ADAMTSL1: variants seen among roughly 807,000 people sequenced by gnomAD.
The protein encoded by ADAMTSL1 is ADAMTS like 1, also known as ADAMTS-like protein 1.
A neutral mutation model predicts 201.8 loss-of-function variants in ADAMTSL1; 126 were observed. That is an observed-to-expected ratio of 0.62 (90% confidence interval 0.54 to 0.72). ADAMTSL1 has a LOEUF of 0.72. Ranked by LOEUF, ADAMTSL1 falls within the 30% of genes least tolerant of loss-of-function variation. ADAMTSL1 has a pLI of 0.00. For synonymous variants in ADAMTSL1, 1,121 were observed against 903.4 expected (o/e 1.24, Z -4.32); for missense variants, 2,679 against 2,277.8 (o/e 1.18, Z -3.59).
At chr9:18,488,275 G>A (rs1052967545) in intron 1 of ADAMTSL1, among the ~76,000 whole-genome samples, 1 of 152,070 alleles carries the variant, frequency 6.6e-6, no homozygotes, top group African/African-American at 2.4e-5. Flanking sequence ...CTCTGCCCAG[G>A]ACCTCCTTTA....
At chr9:18,088,310 G>C (rs1370641259) in intron 1 of ADAMTSL1, among the ~76,000 whole-genome samples, 1 of 152,072 alleles carries the variant, frequency 6.6e-6, no homozygotes, top group Non-Finnish European at 1.5e-5. Flanking sequence ...AAAACATAGA[G>C]GAAAGTCTTC....
chr9:17,995,366 T>C (rs1054745567), intron 1 of ADAMTSL1, among the ~76,000 whole-genome samples: 2 of 152,128 alleles, frequency 1.3e-5, no homozygotes, highest in East Asian at 3.9e-4. Context: ...AGATAGATGC[T>C]ACTAAGAAAA....
chr9:18,567,794 C>A lies in ADAMTSL1; in HGVS notation c.238-6236C>A, dbSNP rs541280893. Among the ~76,000 whole-genome samples, 3 of 152,192 alleles carry A rather than the reference C, an allele frequency of 2.0e-5. No homozygotes were observed. The South Asian group carries it at 6.2e-4, about 32-fold the overall frequency. On this transcript the variant is annotated intron_variant, in intron 3 of 28. Coordinates refer to ENST00000380548, the MANE Select transcript of ADAMTSL1 (RefSeq NM_001040272.6). ...TTATGTAAGAAAATATAGATAATTT[C>A]TCATACATATATGAGATAAAGTTTA...
At chr9:18,187,730 TAAG>T (rs1250578169) in intron 2 of ADAMTSL1, among the ~76,000 whole-genome samples, 4 of 151,852 alleles carry the variant, frequency 2.6e-5, no homozygotes, top group African/African-American at 9.7e-5. Context: ...AAATATGTAA[TAAG>T]AAGGAAGGAT....
At chr9:18,016,387 C>G (rs1820263387) in intron 1 of ADAMTSL1, among the ~76,000 whole-genome samples, 1 of 151,958 alleles carries the variant, frequency 6.6e-6, no homozygotes, top group Non-Finnish European at 1.5e-5. Context: ...GTCATAGTTT[C>G]TAGTATCGGT....
chr9:18,610,958 G>A (rs1242601158), intron 4 of ADAMTSL1, among the ~76,000 whole-genome samples: 4 of 152,112 alleles, frequency 2.6e-5, no homozygotes, highest in Admixed American at 6.6e-5. Flanking sequence ...AAAATTTTCG[G>A]AGGTACACGT....
intron 23 of ADAMTSL1, among the ~76,000 whole-genome samples, chr9:18,830,922 A>G (rs1365524992): frequency 3.3e-5 from 5 of 152,242 alleles, no homozygotes; most frequent in African/African-American, 1.2e-4. Flanking sequence ...AATAACAGCT[A>G]GAATTATTCC....
At chr9:18,117,125 A>G (rs115793945) in intron 1 of ADAMTSL1, among the ~76,000 whole-genome samples, 2,537 of 152,140 alleles carry the variant, frequency 0.017, 80 homozygotes, top group African/African-American at 0.058. Context: ...GCCACCACCT[A>G]TTTTGAACCA....
chr9:18,721,479 AC>A (rs1341603804), intron 14 of ADAMTSL1, 56 bp from the exon 15 acceptor site: 52 of 1,590,648 alleles, frequency 3.3e-5, no homozygotes, highest in Non-Finnish European at 3.9e-5. Flanking sequence ...ACACTTCATC[AC>A]CCCCCACACA....
At chr9:18,510,142 G>A (rs2131965212) in intron 2 of ADAMTSL1, among the ~76,000 whole-genome samples, 1 of 152,218 alleles carries the variant, frequency 6.6e-6, no homozygotes, top group East Asian at 1.9e-4. Flanking sequence ...AGCACTCTCA[G>A]GTCTGATTAT....
At chr9:18,411,327 A>T in intron 2 of ADAMTSL1, among the ~76,000 whole-genome samples, 1 of 151,828 alleles carries the variant, frequency 6.6e-6, no homozygotes, top group Non-Finnish European at 1.5e-5. Context: ...CTCCCAAGTA[A>T]GAGGGGTGGG....
At chr9:18,905,919 C>T (rs1196338181) in intron 27 of ADAMTSL1, 28 bp downstream of exon 27, 2 of 1,550,288 alleles carry the variant, frequency 1.3e-6, no homozygotes. Context: ...ATCTCCTTTT[C>T]CCAGCCCCAT....
intron 1 of ADAMTSL1, among the ~76,000 whole-genome samples, chr9:18,029,538 T>C (rs915681930): frequency 5.9e-5 from 9 of 152,118 alleles, no homozygotes; most frequent in Non-Finnish European, 7.3e-5. Flanking sequence ...AAAGCCAGAA[T>C]TGACAAATGG....
chr9:18,088,927 G>C (rs1407218147), intron 1 of ADAMTSL1, among the ~76,000 whole-genome samples: 1 of 152,190 alleles, frequency 6.6e-6, no homozygotes, highest in African/African-American at 2.4e-5. Context: ...AAGGAGATAT[G>C]AGTATCCCCA....
chr9:18,826,060 T>G (rs1824533792), intron 21 of ADAMTSL1: 8 of 615,286 alleles, frequency 1.3e-5, no homozygotes, highest in Non-Finnish European at 5.8e-6. Context: ...ACTGAGATGT[T>G]TATCTTGTAT....
At chr9:18,181,991 A>C (rs1003633980) in intron 2 of ADAMTSL1, among the ~76,000 whole-genome samples, 6 of 152,186 alleles carry the variant, frequency 3.9e-5, no homozygotes, top group African/African-American at 1.4e-4. Flanking sequence ...CTTTGTAGGG[A>C]CATGGATGAA....
At chr9:18,293,344 C>T (rs1833346344) in intron 2 of ADAMTSL1, among the ~76,000 whole-genome samples, 1 of 152,184 alleles carries the variant, frequency 6.6e-6, no homozygotes, top group African/African-American at 2.4e-5. Flanking sequence ...ATAAATTAAG[C>T]TGCCAGCTAC....
At chr9:18,876,424 T>G (rs1304376738) in intron 23 of ADAMTSL1, among the ~76,000 whole-genome samples, 3 of 152,114 alleles carry the variant, frequency 2.0e-5, no homozygotes, top group Admixed American at 1.3e-4. Context: ...GAGCCCCTTT[T>G]AGCAGTTCTT....
At chr9:18,307,055 A>G (rs539495098) in intron 2 of ADAMTSL1, among the ~76,000 whole-genome samples, 44 of 152,300 alleles carry the variant, frequency 2.9e-4, no homozygotes, top group African/African-American at 1.1e-3. Context: ...TTCGTAAAGA[A>G]AAGAATTTTC....
Sources: allele counts gnomAD v4.1 joint callset (sites outside exome capture counted in the v4.1 genomes callset), GRCh38; gene constraint gnomAD v4.1.1; transcripts MANE v1.5; gene names NCBI Gene and HGNC (gene_info 2026-07-23, HGNC 2026-07-21).